Variants in LRRC4C observed in about 807,000 individuals in gnomAD.
LRRC4C encodes the protein leucine-rich repeat-containing protein 4C.
Under a neutral mutation model 33.6 loss-of-function variants are expected in LRRC4C, and 5 were observed. That is an observed-to-expected ratio of 0.15 (90% CI 0.08 to 0.31). The LOEUF is 0.31. Ranked by LOEUF, LRRC4C falls within the 10% of genes least tolerant of loss-of-function variation. The probability of loss-of-function intolerance (pLI) is 1.00; values close to 1 mark genes in which losing one functional copy is unlikely to be tolerated. For synonymous variants in LRRC4C, 329 were observed against 302.0 expected (o/e 1.09, Z -0.93); for missense variants, 560 against 796.7 (o/e 0.70, Z 3.58).
intron 1 of LRRC4C, among the ~76,000 whole-genome samples, chr11:41,293,808 G>C (rs187076332): frequency 2.6e-4 from 39 of 152,092 alleles, no homozygotes; most frequent in Admixed American, 1.2e-3. Flanking sequence ...CGTATGCCAG[G>C]CTTGTCTCGA....
At chr11:40,685,898 T>A (rs1332764731) in intron 2 of LRRC4C, among the ~76,000 whole-genome samples, 1 of 152,002 alleles carries the variant, frequency 6.6e-6, no homozygotes, top group Admixed American at 6.6e-5. Flanking sequence ...AATCGTACAA[T>A]TATAAAAATG....
At position 40,516,925 on chromosome 11, in the gene LRRC4C, G is replaced by C. The variant is rs1035661470; in HGVS notation, c.-270+131217C>G. Among the ~76,000 whole-genome samples the C allele has an allele frequency of 2.0e-5, 3 of 152,134 alleles. 1 individual carries two copies. Among genetic ancestry groups the C allele is most frequent in the African/African-American group, 7.2e-5 (3 of 41,454 alleles). ...GCACTATTTATTGGAAGCCTACACT[G>C]CACAGAGCATTGTACAGAGCAGGGC... is the stretch of plus-strand genomic sequence containing the variant. On this transcript the variant is annotated intron_variant, in intron 3 of 6. Coordinates refer to ENST00000528697, the MANE Select transcript of LRRC4C (RefSeq NM_001258419.2).
At chr11:41,011,447 A>C (rs1201788025) in intron 1 of LRRC4C, among the ~76,000 whole-genome samples, 1 of 152,158 alleles carries the variant, frequency 6.6e-6, no homozygotes, top group Non-Finnish European at 1.5e-5. Context: ...TCCAATGAAA[A>C]TTATTAAAAT....
chr11:40,513,497 G>A (rs1955428055), intron 3 of LRRC4C, among the ~76,000 whole-genome samples: 1 of 152,114 alleles, frequency 6.6e-6, no homozygotes, highest in Non-Finnish European at 1.5e-5. Context: ...GCACAGTGCA[G>A]CTGATAAGTA....
chr11:41,454,720 A>T (rs543901978), intron 1 of LRRC4C, among the ~76,000 whole-genome samples: 1 of 152,186 alleles, frequency 6.6e-6, no homozygotes, highest in South Asian at 2.1e-4. Context: ...GCCATGGTAC[A>T]TGAAATGAGC....
At chr11:40,702,340 T>C (rs1473110532) in intron 2 of LRRC4C, among the ~76,000 whole-genome samples, 1 of 152,150 alleles carries the variant, frequency 6.6e-6, no homozygotes, top group African/African-American at 2.4e-5. Flanking sequence ...AGAGATTTTA[T>C]GAAAAAAGTC....
intron 1 of LRRC4C, among the ~76,000 whole-genome samples, chr11:41,133,592 CATT>C (rs781759441): frequency 1.3e-5 from 2 of 150,952 alleles, no homozygotes; most frequent in Non-Finnish European, 2.9e-5. Context: ...GGACAAACCT[CATT>C]ATACTCCCTC....
At chr11:40,962,102 A>G (rs1754012299) in intron 1 of LRRC4C, among the ~76,000 whole-genome samples, 1 of 151,600 alleles carries the variant, frequency 6.6e-6, no homozygotes, top group South Asian at 2.1e-4. Context: ...TCAATATGTT[A>G]GTTTATATGG....
chr11:40,319,042 A>C (rs746273246), intron 4 of LRRC4C, among the ~76,000 whole-genome samples: 3 of 152,162 alleles, frequency 2.0e-5, no homozygotes, highest in Non-Finnish European at 4.4e-5. Flanking sequence ...GCAACCTCTA[A>C]AGAGCATTTT....
At chr11:40,124,146 G>T (rs1418774025) in intron 6 of LRRC4C, among the ~76,000 whole-genome samples, 5 of 152,046 alleles carry the variant, frequency 3.3e-5, no homozygotes, top group Non-Finnish European at 2.9e-5. Flanking sequence ...AAGTTAAAAG[G>T]GCTTTTATCC....
chr11:41,032,212 CT>C (rs1428698858), intron 1 of LRRC4C, among the ~76,000 whole-genome samples: 3 of 152,034 alleles, frequency 2.0e-5, no homozygotes, highest in South Asian at 2.1e-4. Context: ...CTCAGACCCC[CT>C]GATGGGGTAG....
chr11:41,388,940 A>G (rs925717307), intron 1 of LRRC4C, among the ~76,000 whole-genome samples: 2 of 151,828 alleles, frequency 1.3e-5, no homozygotes, highest in African/African-American at 4.8e-5. Context: ...GAAAGTTTAG[A>G]TCTAAATATA....
intron 3 of LRRC4C, among the ~76,000 whole-genome samples, chr11:40,634,840 T>C (rs1490098005): frequency 2.0e-5 from 3 of 151,988 alleles, no homozygotes; most frequent in Admixed American, 2.0e-4. Flanking sequence ...CAATAAGCTA[T>C]GATAGCGCCA....
intron 1 of LRRC4C, among the ~76,000 whole-genome samples, chr11:41,014,938 C>A (rs1156946182): frequency 6.6e-6 from 1 of 152,168 alleles, no homozygotes; most frequent in East Asian, 1.9e-4. Flanking sequence ...ATTACCATTT[C>A]AATTTTCTGA....
At chr11:41,069,862 A>G (rs1270631430) in intron 1 of LRRC4C, among the ~76,000 whole-genome samples, 2 of 152,322 alleles carry the variant, frequency 1.3e-5, no homozygotes, top group South Asian at 2.1e-4. Context: ...TATAGATTCA[A>G]TGCTATTTTC....
intron 5 of LRRC4C, among the ~76,000 whole-genome samples, chr11:40,191,698 T>A (rs779020563): frequency 2.1e-4 from 32 of 152,240 alleles, no homozygotes; most frequent in Admixed American, 7.8e-4. Context: ...CAGAGGCTCT[T>A]GCCTGTCATC....
chr11:41,341,551 A>G (rs1951639725), intron 1 of LRRC4C, among the ~76,000 whole-genome samples: 1 of 152,122 alleles, frequency 6.6e-6, no homozygotes, highest in African/African-American at 2.4e-5. Context: ...TTCATTTACT[A>G]ACCACTTTCC....
intron 4 of LRRC4C, among the ~76,000 whole-genome samples, chr11:40,297,120 G>A (rs1414953907): frequency 1.3e-5 from 2 of 152,132 alleles, no homozygotes; most frequent in East Asian, 3.9e-4. Flanking sequence ...ATACAAAATA[G>A]CAAATAGAAC....
At chr11:41,136,489 A>G (rs552588818) in intron 1 of LRRC4C, among the ~76,000 whole-genome samples, 2 of 152,208 alleles carry the variant, frequency 1.3e-5, no homozygotes, top group Non-Finnish European at 2.9e-5. Context: ...TCAAGAATGC[A>G]TGACTGTATC....
Sources: gnomAD v4.1 joint callset for allele counts (sites outside exome capture counted in the v4.1 genomes callset) on GRCh38, gnomAD v4.1.1 for gene constraint, MANE v1.5 for transcripts, NCBI Gene and HGNC (gene_info 2026-07-23, HGNC 2026-07-21) for gene names.